The following COL4A1 variants were observed in gnomAD, a reference collection of about 807,000 sequenced individuals.
COL4A1 encodes collagen type IV alpha 1 chain.
Under a neutral mutation model 216.6 loss-of-function variants are expected in COL4A1, and 40 were observed. The observed-to-expected ratio is 0.18, with a 90% CI of 0.14 to 0.24. The LOEUF (loss-of-function observed/expected upper bound fraction) is 0.24, where lower values mean the gene tolerates loss of function less well. Among genes scored for constraint, COL4A1 ranks in the 10% least tolerant of loss-of-function variants. The probability of loss-of-function intolerance (pLI) is 1.00; values close to 1 mark genes in which losing one functional copy is unlikely to be tolerated. For synonymous variants in COL4A1, 839 were observed against 810.7 expected (o/e 1.03, Z -0.59); for missense variants, 1,628 against 2,196.8 (o/e 0.74, Z 5.18).
intron 48 of COL4A1, 88 bp from the exon 49 acceptor site, chr13:110,161,457 C>A: frequency 7.2e-7 from 1 of 1,386,542 alleles, no homozygotes. Context: ...GGACAACAAG[C>A]AAAAACATAT....
At chr13:110,262,976 A>G (rs971219955) in intron 1 of COL4A1, among the ~76,000 whole-genome samples, 3 of 152,210 alleles carry the variant, frequency 2.0e-5, no homozygotes, top group Non-Finnish European at 2.9e-5. Context: ...TGTGGACCAG[A>G]GTTGGACACC....
intron 39 of COL4A1, among the ~76,000 whole-genome samples, 182 bp from the exon 40 acceptor site, chr13:110,174,180 C>T (rs1877771614): frequency 6.6e-6 from 1 of 152,206 alleles, no homozygotes; most frequent in South Asian, 2.1e-4. Flanking sequence ...AGCAACACCA[C>T]CAAACCCTGA....
chr13:110,195,597 C>G (rs111733487), intron 21 of COL4A1, among the ~76,000 whole-genome samples: 1 of 152,114 alleles, frequency 6.6e-6, no homozygotes, highest in African/African-American at 2.4e-5. Context: ...AGACTGCCCA[C>G]GAGGAAATGC....
chr13:110,205,617 C>T (rs1467150685), intron 15 of COL4A1, 79 bp from the exon 16 acceptor site: 6 of 1,498,560 alleles, frequency 4.0e-6, no homozygotes, highest in Admixed American at 3.3e-5. Flanking sequence ...AATCCCAGCA[C>T]TTTGGGAGGC....
Position 110,211,918 on chromosome 13 carries a change from T to C in COL4A1, c.392A>G (p.Glu131Gly), listed in dbSNP as rs1879819814. 6.2e-7 allele frequency: 1 copy of C among 1,613,890 alleles called. No individual in the cohort carries two copies. Among genetic ancestry groups the C allele is most frequent in the South Asian group, 1.1e-5 (1 of 91,068 alleles). Reference sequence around the variant, plus strand: ...GCCAGGAGGCCCGAGCGGCCCTCTCTCCCCCTGGGGAGACAGCAGAGCATC... The same window carrying C: ...GCCAGGAGGCCCGAGCGGCCCTCTCCCCCCCTGGGGAGACAGCAGAGCATC... ...GIPGCNGTKG[E>G]RGPLGPPGLP... The change falls in exon 7 of 52, where the codon GAG becomes GGG. Residue 131 changes from glutamate to glycine, a missense_variant. Physicochemically the swap from Glu to Gly is moderately conservative, Grantham distance 98. This residue lies in a region of COL4A1 where 150 missense variants were observed against 211.9 expected (regional missense o/e 0.71). Coordinates refer to ENST00000375820, the MANE Select transcript of COL4A1 (RefSeq NM_001845.6). The surrounding 1 kb of genome is among the most constrained non-coding windows in gnomAD (Gnocchi z 4.3).
intron 2 of COL4A1, 117 bp downstream of exon 2, chr13:110,242,558 A>G: frequency 5.1e-6 from 6 of 1,174,438 alleles, no homozygotes; most frequent in Non-Finnish European, 3.8e-6. Flanking sequence ...CTCTGGGGAA[A>G]TTATCAAAAC....
Position 110,207,874 on chromosome 13 carries a change from C to G in COL4A1, c.694-385G>C, listed in dbSNP as rs192476643. On this transcript the variant is annotated intron_variant, in intron 12 of 51. Coordinates refer to ENST00000375820, the MANE Select transcript of COL4A1 (RefSeq NM_001845.6). The surrounding 1 kb of genome is among the most constrained non-coding windows in gnomAD (Gnocchi z 4.4). The stretch of plus-strand genomic sequence containing the variant: ...AAAAAAGAAGGCATTTTAGGTAATC[C>G]CAGAATAAGACAACCATCAAGAGTC... 3.3e-3 allele frequency among the ~76,000 whole-genome samples: 494 copies of G among 149,714 alleles called. 1 individual carries two copies. Among genetic ancestry groups the G allele is most frequent in the Non-Finnish European group, 5.8e-3 (388 of 67,316 alleles).
At chr13:110,286,644 G>A (rs901711232) in intron 1 of COL4A1, among the ~76,000 whole-genome samples, 24 of 152,192 alleles carry the variant, frequency 1.6e-4, no homozygotes, top group Non-Finnish European at 2.5e-4. Flanking sequence ...GGGTTACTTC[G>A]TGGGGCACTG....
chr13:110,259,615 C>T (rs572705180), intron 1 of COL4A1, among the ~76,000 whole-genome samples: 1 of 152,104 alleles, frequency 6.6e-6, no homozygotes, highest in East Asian at 1.9e-4. Context: ...CTATGCTGAG[C>T]TTATTGTCCA....
At chr13:110,234,850 TA>T (rs1881234772) in intron 2 of COL4A1, among the ~76,000 whole-genome samples, 1 of 152,234 alleles carries the variant, frequency 6.6e-6, no homozygotes, top group Non-Finnish European at 1.5e-5. Flanking sequence ...AAGGCTAAAC[TA>T]GACACTATTG....
chr13:110,264,554 T>G (rs1388345617), intron 1 of COL4A1, among the ~76,000 whole-genome samples: 1 of 152,210 alleles, frequency 6.6e-6, no homozygotes, highest in African/African-American at 2.4e-5. Context: ...TTTCAATGGA[T>G]GCACATTCAG....
chr13:110,155,756 C>CA (rs1177908235), intron 49 of COL4A1, among the ~76,000 whole-genome samples: 1 of 152,080 alleles, frequency 6.6e-6, no homozygotes, highest in East Asian at 1.9e-4. Context: ...ACTAAAAATA[C>CA]AAAAAATTAG....
chr13:110,186,611 T>G, intron 25 of COL4A1, 58 bp from the exon 26 acceptor site: 1 of 1,595,898 alleles, frequency 6.3e-7, no homozygotes, highest in South Asian at 1.1e-5. Context: ...ACCCTGTCCT[T>G]ATCGCATTCT....
rs1296196088 is a variant in COL4A1, at chr13:110,149,270, T to C, written c.*1093A>G. The C allele has an allele frequency of 6.5e-6, 1 of 154,758 alleles. No homozygotes were observed. The highest frequency in any genetic ancestry group is 6.5e-5 in the Admixed American group (1 of 15,290). 9.6% of individuals were successfully genotyped at this position (154,758 alleles called of 1,614,324 possible). ...CACAGCTCATGAGAAACCACGGAAA[T>C]GGCCCGAATGTGCTTACGTGTGAAA... On this transcript the variant is annotated 3_prime_UTR_variant, in exon 52 of 52. Transcript: ENST00000375820.
chr13:110,209,264 A>G, intron 11 of COL4A1, 128 bp downstream of exon 11: 1 of 730,424 alleles, frequency 1.4e-6, no homozygotes, highest in Non-Finnish European at 2.4e-6. Context: ...ACTTAAAGGT[A>G]TAGTTAGATA....
At position 110,176,419 on chromosome 13, in the gene COL4A1, T is replaced by A. The variant is rs988876917; in HGVS notation, c.3058+5A>T. ...CTAAAGAATCCTCTTCTAAATCCAG[T>A]TTACCTGGCAAGCCCATTCCACCAA... is the stretch of plus-strand genomic sequence containing the variant. On this transcript the variant is annotated splice_donor_5th_base_variant and intron_variant, in intron 36 of 51. Coordinates refer to ENST00000375820, the MANE Select transcript of COL4A1 (RefSeq NM_001845.6). 3 of 1,605,828 alleles carry A rather than the reference T, an allele frequency of 1.9e-6. No homozygotes were observed. Among genetic ancestry groups the A allele is most frequent in the Non-Finnish European group, 2.6e-6 (3 of 1,172,414 alleles).
intron 2 of COL4A1, among the ~76,000 whole-genome samples, chr13:110,234,931 A>G (rs554837456): frequency 6.6e-6 from 1 of 152,338 alleles, no homozygotes; most frequent in Admixed American, 6.5e-5. Context: ...AGTAATCTCA[A>G]ATATGCTTAA....
At chr13:110,224,334 T>C (rs1044382994) in intron 2 of COL4A1, among the ~76,000 whole-genome samples, 1 of 152,274 alleles carries the variant, frequency 6.6e-6, no homozygotes, top group Non-Finnish European at 1.5e-5. Context: ...AAAATATATA[T>C]GTTTTTGAGA....
intron 1 of COL4A1, among the ~76,000 whole-genome samples, chr13:110,251,623 G>A (rs1398007521): frequency 6.6e-6 from 1 of 152,216 alleles, no homozygotes; most frequent in Non-Finnish European, 1.5e-5. Context: ...AGGGGGACTC[G>A]GGGACCCCCA....
Sources: allele counts gnomAD v4.1 joint callset (sites outside exome capture counted in the v4.1 genomes callset), GRCh38; gene constraint gnomAD v4.1.1; regional missense constraint gnomAD v4.1.1; non-coding constraint Gnocchi (gnomAD v3.1); transcripts MANE v1.5; gene names NCBI Gene and HGNC (gene_info 2026-07-23, HGNC 2026-07-21).